TAFA4: variants seen among roughly 807,000 people sequenced by gnomAD.
TAFA4 encodes the protein chemokine-like protein TAFA-4.
A neutral mutation model predicts 21.1 loss-of-function variants in TAFA4; 20 were observed. The observed-to-expected ratio is 0.95, with a 90% confidence interval of 0.67 to 1.38. The LOEUF (loss-of-function observed/expected upper bound fraction) is 1.38, where lower values mean the gene tolerates loss of function less well. TAFA4 is among the 40% of genes most tolerant of loss of function. The pLI is 0.00. For missense variants in TAFA4, 211 were observed against 180.9 expected, an observed-to-expected ratio of 1.17 and a Z score of -0.95; for synonymous variants, 71 against 67.4, an observed-to-expected ratio of 1.05 and a Z score of -0.26.
chr3:68,738,943 C>A, intron 5 of TAFA4, 132 bp downstream of exon 5: 1 of 1,299,378 alleles, frequency 7.7e-7, no homozygotes, highest in Non-Finnish European at 1.0e-6. Flanking sequence ...AAGGCCAAAT[C>A]CGTAAGGTAG....
At chr3:68,841,444 G>A (rs548153857) in intron 3 of TAFA4, among the ~76,000 whole-genome samples, 1 of 152,020 alleles carries the variant, frequency 6.6e-6, no homozygotes, top group East Asian at 1.9e-4. Flanking sequence ...TTCCTGACAG[G>A]ACAAGGCCAC....
chr3:68,817,728 T>A (rs1363272458), intron 3 of TAFA4, among the ~76,000 whole-genome samples: 2 of 152,126 alleles, frequency 1.3e-5, no homozygotes, highest in Admixed American at 1.3e-4. Context: ...CCAGGGGCAT[T>A]GTCAATGAGC....
At chr3:68,852,281 G>A (rs1314565477) in intron 3 of TAFA4, among the ~76,000 whole-genome samples, 2 of 152,150 alleles carry the variant, frequency 1.3e-5, no homozygotes, top group African/African-American at 4.8e-5. Context: ...CAGAATTAAT[G>A]AGTTTGGAGG....
chr3:68,907,899 T>G (rs2089919989), intron 1 of TAFA4, among the ~76,000 whole-genome samples: 1 of 152,212 alleles, frequency 6.6e-6, no homozygotes, highest in Non-Finnish European at 1.5e-5. Flanking sequence ...ACTGCTGTAA[T>G]GCATTATTAA....
chr3:68,912,054 C>A (rs954264698), intron 1 of TAFA4, among the ~76,000 whole-genome samples: 1 of 152,190 alleles, frequency 6.6e-6, no homozygotes, highest in African/African-American at 2.4e-5. Context: ...CAGAATATTT[C>A]CTGTACTTTC....
chr3:68,876,001 G>T (rs927965280), intron 3 of TAFA4, among the ~76,000 whole-genome samples: 2 of 151,314 alleles, frequency 1.3e-5, no homozygotes, highest in African/African-American at 2.4e-5. Context: ...AAAACAATGT[G>T]CTCTATGACT....
chr3:68,788,179 A>G (rs983294159), intron 3 of TAFA4, among the ~76,000 whole-genome samples: 34 of 152,164 alleles, frequency 2.2e-4, no homozygotes, highest in African/African-American at 8.0e-4. Context: ...CCTCATTTTC[A>G]TGGCAGTATC....
intron 3 of TAFA4, among the ~76,000 whole-genome samples, chr3:68,847,231 T>C (rs1471122747): frequency 6.6e-6 from 1 of 152,206 alleles, no homozygotes; most frequent in African/African-American, 2.4e-5. Context: ...AGGAGGAATC[T>C]AGAGAGGAAG....
Position 68,885,893 on chromosome 3 carries a change from C to T in TAFA4, c.-122-583G>A, listed in dbSNP as rs982691495. Reference sequence around the variant, plus strand: ...ACTTGTGAATACTGTAGTTGACATTCCCTCAACGCATAAACCTAAAAGGAT... The same window carrying T: ...ACTTGTGAATACTGTAGTTGACATTTCCTCAACGCATAAACCTAAAAGGAT... On this transcript the variant is annotated intron_variant, in intron 1 of 5. Transcript: ENST00000295569. Among the ~76,000 whole-genome samples the T allele has an allele frequency of 3.9e-5, 6 of 152,090 alleles. 1 individual carries two copies. Among genetic ancestry groups the T allele is most frequent in the Admixed American group, 2.0e-4 (3 of 15,264 alleles).
intron 1 of TAFA4, among the ~76,000 whole-genome samples, chr3:68,917,783 C>T (rs1353793086): frequency 7.4e-6 from 1 of 135,948 alleles, no homozygotes; most frequent in Non-Finnish European, 1.6e-5. Flanking sequence ...AGAAAGTTCC[C>T]AGGAACAATG....
chr3:68,775,932 A>C (rs1703041703), intron 3 of TAFA4, among the ~76,000 whole-genome samples: 1 of 152,186 alleles, frequency 6.6e-6, no homozygotes, highest in Non-Finnish European at 1.5e-5. Flanking sequence ...AGCAAGAAAA[A>C]ATGACCCAGA....
chr3:68,763,685 T>C (rs191333514), intron 3 of TAFA4, among the ~76,000 whole-genome samples: 1 of 152,270 alleles, frequency 6.6e-6, no homozygotes, highest in East Asian at 1.9e-4. Flanking sequence ...CACTACCTTT[T>C]CTAAGGACTT....
intron 1 of TAFA4, among the ~76,000 whole-genome samples, chr3:68,906,155 AT>A (rs1228095107): frequency 1.3e-5 from 2 of 152,210 alleles, no homozygotes; most frequent in Non-Finnish European, 2.9e-5. Flanking sequence ...TGGAGTAGAC[AT>A]TCTTCAAAGG....
intron 3 of TAFA4, among the ~76,000 whole-genome samples, chr3:68,758,132 C>T (rs190492900): frequency 6.6e-6 from 1 of 152,194 alleles, no homozygotes; most frequent in East Asian, 1.9e-4. Context: ...TGTATTTTAC[C>T]AAGTAGAGCC....
At chr3:68,760,563 T>G (rs536640081) in intron 3 of TAFA4, among the ~76,000 whole-genome samples, 1 of 152,180 alleles carries the variant, frequency 6.6e-6, no homozygotes, top group African/African-American at 2.4e-5. Flanking sequence ...AGTCTCACAC[T>G]CCACTGATCT....
chr3:68,815,359 C>T (rs1383719314), intron 3 of TAFA4, among the ~76,000 whole-genome samples: 4 of 152,082 alleles, frequency 2.6e-5, no homozygotes, highest in Non-Finnish European at 5.9e-5. Context: ...AAGAAACTAC[C>T]ATCAGAGTGA....
intron 1 of TAFA4, among the ~76,000 whole-genome samples, chr3:68,904,415 TC>T (rs1195229841): frequency 6.6e-6 from 1 of 152,166 alleles, no homozygotes; most frequent in Non-Finnish European, 1.5e-5. Flanking sequence ...ATGACAGGTG[TC>T]AGAAGTCCAC....
chr3:68,853,528 T>C (rs912181330), intron 3 of TAFA4, among the ~76,000 whole-genome samples: 1 of 152,112 alleles, frequency 6.6e-6, no homozygotes, highest in Non-Finnish European at 1.5e-5. Flanking sequence ...AGAGGATGGG[T>C]CTCTCCCTTC....
At position 68,866,911 on chromosome 3, in the gene TAFA4, A is replaced by G. The variant is rs879411920; in HGVS notation, c.130+13819T>C. The stretch of plus-strand genomic sequence containing the variant: ...AAAAAAGAATGAAAAGGAACAAAGG[A>G]CACCTACAGAATATGAGGAATTACC... On this transcript the variant is annotated intron_variant, in intron 3 of 5. Transcript: ENST00000295569. Among the ~76,000 whole-genome samples the G allele has an allele frequency of 3.9e-5, 6 of 152,108 alleles. No individual in the cohort carries two copies. In the East Asian group the frequency reaches 5.8e-4, roughly 15 times the overall value.
Sources: gnomAD v4.1 joint callset for allele counts (sites outside exome capture counted in the v4.1 genomes callset) on GRCh38, gnomAD v4.1.1 for gene constraint, MANE v1.5 for transcripts, NCBI Gene and HGNC (gene_info 2026-07-23, HGNC 2026-07-21) for gene names.